The following NAV3 variants were observed in gnomAD, a reference collection of about 807,000 sequenced individuals.
NAV3 encodes neuron navigator 3.
In NAV3, 87 loss-of-function variants were observed where a neutral mutation model predicts 244.7. The observed-to-expected ratio is 0.36, with a 90% CI of 0.30 to 0.42. The LOEUF (loss-of-function observed/expected upper bound fraction) is 0.42, where lower values mean the gene tolerates loss of function less well. NAV3 is among the 20% of genes least tolerant of loss of function. NAV3 has a pLI of 1.00. For missense variants in NAV3, 2,663 were observed against 2,893.3 expected (o/e 0.92, Z 1.83); for synonymous variants, 1,126 against 1,042.2 (o/e 1.08, Z -1.55).
intron 2 of NAV3, among the ~76,000 whole-genome samples, chr12:77,811,255 C>T (rs1424624645): frequency 6.6e-6 from 1 of 152,122 alleles, no homozygotes; most frequent in African/African-American, 2.4e-5. Context: ...TTCAGTATCA[C>T]TTAAGAGCAT....
chr12:78,168,154 G>A (rs939548350), intron 23 of NAV3, among the ~76,000 whole-genome samples: 4 of 151,612 alleles, frequency 2.6e-5, no homozygotes, highest in Non-Finnish European at 5.9e-5. Flanking sequence ...TCCACATTAG[G>A]AGTTTTACTG....
At chr12:77,762,158 C>A (rs1869500390) in intron 2 of NAV3, among the ~76,000 whole-genome samples, 1 of 152,116 alleles carries the variant, frequency 6.6e-6, no homozygotes, top group African/African-American at 2.4e-5. Flanking sequence ...AACCATCATT[C>A]TCAACAAACT....
At chr12:78,107,372 A>G (rs1271771530) in intron 12 of NAV3, among the ~76,000 whole-genome samples, 1 of 152,194 alleles carries the variant, frequency 6.6e-6, no homozygotes, top group Non-Finnish European at 1.5e-5. Context: ...CAAGAGTTTT[A>G]GATATTTGGG....
chr12:77,975,402 A>C (rs1868301852), intron 5 of NAV3, among the ~76,000 whole-genome samples: 1 of 152,248 alleles, frequency 6.6e-6, no homozygotes, highest in Non-Finnish European at 1.5e-5. Context: ...GATAACACAA[A>C]CTTAATTAAA....
At chr12:77,576,674 C>A (rs1869099844) in intron 2 of NAV3, among the ~76,000 whole-genome samples, 1 of 152,008 alleles carries the variant, frequency 6.6e-6, no homozygotes, top group Admixed American at 6.6e-5. Flanking sequence ...ATTATTCTTG[C>A]AGGTGTAGAC....
chr12:77,915,439 A>G (rs1887035580), intron 1 of NAV3, among the ~76,000 whole-genome samples: 1 of 152,058 alleles, frequency 6.6e-6, no homozygotes, highest in African/African-American at 2.4e-5. Flanking sequence ...CAAATAAATA[A>G]CAGATGTAGA....
chr12:77,600,812 A>G (rs1431002598), intron 2 of NAV3, among the ~76,000 whole-genome samples: 1 of 151,990 alleles, frequency 6.6e-6, no homozygotes, highest in Non-Finnish European at 1.5e-5. Context: ...TCTAGCAGAC[A>G]TTGGGCTCTG....
chr12:78,135,672 C>T (rs1364593834), intron 18 of NAV3, among the ~76,000 whole-genome samples: 8 of 152,154 alleles, frequency 5.3e-5, no homozygotes, highest in Non-Finnish European at 1.2e-4. Flanking sequence ...ATCTTGCCAC[C>T]TTAAACATAA....
intron 2 of NAV3, among the ~76,000 whole-genome samples, chr12:77,789,313 C>T (rs1479712275): frequency 1.2e-4 from 1 of 8,590 alleles, no homozygotes; most frequent in Non-Finnish European, 0.014. Flanking sequence ...TTTAGCCCTT[C>T]CTTCCCTTAC....
At chr12:77,924,005 G>A (rs571909594) in intron 1 of NAV3, among the ~76,000 whole-genome samples, 3 of 152,224 alleles carry the variant, frequency 2.0e-5, no homozygotes, top group Non-Finnish European at 2.9e-5. Context: ...GTTCTCCTAA[G>A]GGTCTGGCTG....
chr12:78,175,262 G>T, intron 24 of NAV3, 44 bp from the exon 25 acceptor site: 1 of 1,601,320 alleles, frequency 6.2e-7, no homozygotes, highest in South Asian at 1.1e-5. Flanking sequence ...TGTTCAGATC[G>T]AGACTCTTCA....
At chr12:77,777,021 A>C (rs937034431) in intron 2 of NAV3, among the ~76,000 whole-genome samples, 1 of 152,210 alleles carries the variant, frequency 6.6e-6, no homozygotes, top group African/African-American at 2.4e-5. Flanking sequence ...AGTAACTTAA[A>C]ATGATGTTTC....
intron 1 of NAV3, among the ~76,000 whole-genome samples, chr12:77,903,565 A>G (rs1885573465): frequency 6.6e-6 from 1 of 152,210 alleles, no homozygotes; most frequent in African/African-American, 2.4e-5. Flanking sequence ...AGGCAACACC[A>G]TTCAGGACAT....
chr12:77,787,593 C>T (rs1402418795), intron 2 of NAV3, among the ~76,000 whole-genome samples: 1 of 152,078 alleles, frequency 6.6e-6, no homozygotes, highest in Non-Finnish European at 1.5e-5. Context: ...TAAGAGAACT[C>T]ACTATCATGA....
intron 12 of NAV3, among the ~76,000 whole-genome samples, chr12:78,084,582 CTCTCTCTCTCTCTT>C (rs543759099): frequency 2.0e-5 from 3 of 151,570 alleles, no homozygotes; most frequent in East Asian, 3.9e-4. Flanking sequence ...TGAGCCACCA[CTCTCTCTCTCTCTT>C]TCTCTCTCTC....
intron 1 of NAV3, among the ~76,000 whole-genome samples, chr12:77,919,746 G>A (rs1459605728): frequency 6.6e-6 from 1 of 151,984 alleles, no homozygotes; most frequent in Non-Finnish European, 1.5e-5. Flanking sequence ...CAGTCTGCAT[G>A]TACACTGCTC....
At chr12:77,618,619 CGT>C (rs1491469044) in intron 2 of NAV3, among the ~76,000 whole-genome samples, 3 of 151,960 alleles carry the variant, frequency 2.0e-5, no homozygotes, top group Non-Finnish European at 4.4e-5. Flanking sequence ...GTGTTTAACA[CGT>C]ATATATATAA....
At chr12:77,894,583 C>G (rs932313326) in intron 1 of NAV3, among the ~76,000 whole-genome samples, 2 of 152,122 alleles carry the variant, frequency 1.3e-5, no homozygotes, top group South Asian at 4.1e-4. Flanking sequence ...CACTAGGCCA[C>G]CAGCAAAATT....
intron 16 of NAV3, 95 bp downstream of exon 16, chr12:78,122,523 G>A (rs1337878597): frequency 7.1e-7 from 1 of 1,416,888 alleles, no homozygotes; most frequent in Admixed American, 2.4e-5. Flanking sequence ...TTCACTGTGA[G>A]TGCCCCGGTG....
Sources: gnomAD v4.1 joint callset for allele counts (sites outside exome capture counted in the v4.1 genomes callset) on GRCh38, gnomAD v4.1.1 for gene constraint, MANE v1.5 for transcripts, NCBI Gene and HGNC (gene_info 2026-07-23, HGNC 2026-07-21) for gene names.